The following HNRNPA0 variants were observed in gnomAD, a reference collection of about 807,000 sequenced individuals.
HNRNPA0 encodes the protein hnRNA binding protein.
For missense variants in HNRNPA0, 252 were observed against 433.7 expected (o/e 0.58, Z 3.72); for synonymous variants, 243 against 195.5 (o/e 1.24, Z -2.03).
chr5:137,753,686 G>A lies in HNRNPA0; in HGVS notation c.381C>T (p.Ala127=). The change falls in exon 1 of 1, where the codon GCC becomes GCT. Residue 127 remains alanine (A), a synonymous_variant. Transcript: ENST00000314940. The surrounding 1 kb of genome is among the most constrained non-coding windows in gnomAD (Gnocchi z 6.1). ...CGGACTGCTTGTCGGCAATAATCTC[G>A]GCCTTTTCCACGGTGCCAAACTGCG... ...HFSQFGTVEK[A]EIIADKQSGK... The A allele has an allele frequency of 6.2e-7, 1 of 1,613,912 alleles. No homozygotes were observed. Among genetic ancestry groups the A allele is most frequent in the Non-Finnish European group, 8.5e-7 (1 of 1,180,032 alleles).
Position 137,748,839 on chromosome 5 carries a change from A to G in HNRNPA0, c.*4310T>C, listed in dbSNP as rs754912308. On this transcript the variant is annotated 3_prime_UTR_variant, in exon 1 of 1. Transcript: ENST00000314940. ...ACCTTTGATTTCTAAAAAGTAATCAATTAAGGAGAAAAGAGTCTTAATTTT... is the reference window on the plus strand; with the variant it reads ...ACCTTTGATTTCTAAAAAGTAATCAGTTAAGGAGAAAAGAGTCTTAATTTT... 20 of 152,214 alleles carry G rather than the reference A, an allele frequency of 1.3e-4. No homozygotes were observed. The highest frequency in any genetic ancestry group is 1.0e-4 in the Non-Finnish European group (7 of 68,010). 9.4% of individuals were successfully genotyped at this position (152,214 alleles called of 1,614,324 possible). A position where few individuals can be genotyped will look rare whatever the true frequency, so the allele number is the denominator to read the frequency against.
rs1695832555 is a variant in HNRNPA0 at position 137,747,774 on chromosome 5, CTT to C, written c.*5373_*5374del. 6.6e-6 allele frequency: 1 copy of C among 152,182 alleles called. No individual in the cohort carries two copies. Among genetic ancestry groups the C allele is most frequent in the South Asian group, 2.1e-4 (1 of 4,832 alleles). The allele number at this position is 152,182 out of a possible 1,614,324, so 9.4% of individuals were successfully genotyped here. On this transcript the variant is annotated 3_prime_UTR_variant, in exon 1 of 1. Transcript: ENST00000314940. ...ATTGTTGCTCAAAAACCTTTAATGACTTTTACTGCCTACCCTAAGTCCAAACT... is the reference window on the plus strand; with the variant it reads ...ATTGTTGCTCAAAAACCTTTAATGACTTACTGCCTACCCTAAGTCCAAACT...
rs989386926 is a variant in HNRNPA0 at position 137,753,073 on chromosome 5, G to A, written c.*76C>T. The A allele has an allele frequency of 6.2e-6, 9 of 1,461,376 alleles. No homozygotes were observed. The highest frequency in any genetic ancestry group is 1.4e-5 in the African/African-American group (1 of 71,104). 90.5% of individuals were successfully genotyped at this position (1,461,376 alleles called of 1,614,324 possible). ...AAGGCGGTGTGTGTGAGGGGGTGGGGCTTAGGAGTTGACCCCACTTGGGCT... is the reference window on the plus strand; with the variant it reads ...AAGGCGGTGTGTGTGAGGGGGTGGGACTTAGGAGTTGACCCCACTTGGGCT... On this transcript the variant is annotated 3_prime_UTR_variant, in exon 1 of 1. Transcript: ENST00000314940. This position sits in a 1 kb window ranked among gnomAD's most constrained non-coding sequence, Gnocchi z 6.1.
rs1487468557 is a variant in HNRNPA0, at chr5:137,747,470, A to G, written c.*5679T>C. 1 of 152,174 alleles carries G rather than the reference A, an allele frequency of 6.6e-6. No individual in the cohort carries two copies. Among genetic ancestry groups the G allele is most frequent in the Non-Finnish European group, 1.5e-5 (1 of 68,026 alleles). The allele number at this position is 152,174 out of a possible 1,614,324, so 9.4% of individuals were successfully genotyped here. A position where few individuals can be genotyped will look rare whatever the true frequency, so the allele number is the denominator to read the frequency against. The stretch of plus-strand genomic sequence containing the variant: ...TCTTCCCTCTAAATCTTCTCTTCCT[A>G]TTACCAGTGGCATCACCATCCTCTC... On this transcript the variant is annotated 3_prime_UTR_variant, in exon 1 of 1. Coordinates refer to ENST00000314940, the MANE Select transcript of HNRNPA0 (RefSeq NM_006805.4).
In HNRNPA0 at chr5:137,752,718, A is replaced by G. The variant is rs534983686; in HGVS notation, c.*431T>C. 1.8e-5 allele frequency: 3 copies of G among 167,842 alleles called. No homozygotes were observed. The highest frequency in any genetic ancestry group is 1.3e-4 in the Admixed American group (2 of 15,852). The allele number at this position is 167,842 out of a possible 1,614,324, so 10.4% of individuals were successfully genotyped here. Reference sequence around the variant, plus strand: ...TGGGATCCAAGTAGATTTCATAGAAAACGCTGTAGCCAGGTTATCAAGTCC... The same window carrying G: ...TGGGATCCAAGTAGATTTCATAGAAGACGCTGTAGCCAGGTTATCAAGTCC... On this transcript the variant is annotated 3_prime_UTR_variant, in exon 1 of 1. Transcript: ENST00000314940.
Position 137,746,063 on chromosome 5 carries a change from C to T in HNRNPA0, c.*7086G>A, listed in dbSNP as rs1385984041. The T allele has an allele frequency of 6.6e-6, 1 of 152,130 alleles. No homozygotes were observed. Among genetic ancestry groups the T allele is most frequent in the East Asian group, 1.9e-4 (1 of 5,202 alleles). The allele number at this position is 152,130 out of a possible 1,614,324, so 9.4% of individuals were successfully genotyped here. On this transcript the variant is annotated 3_prime_UTR_variant, in exon 1 of 1. Coordinates refer to ENST00000314940, the MANE Select transcript of HNRNPA0 (RefSeq NM_006805.4). ...GTAGGCCACTCTAAAAGATACCAGC[C>T]TCAGGCCAGATATAACTTTTTCTGC...
In HNRNPA0 at chr5:137,754,216, G is replaced by T; in HGVS notation, c.-150C>A. Reference sequence around the variant, plus strand: ...ACCGACGGGGAAGGGAAAAAGGGAAGGGGAGGGAAGGAAGGAAGAGAGGAA... The same window carrying T: ...ACCGACGGGGAAGGGAAAAAGGGAATGGGAGGGAAGGAAGGAAGAGAGGAA... On this transcript the variant is annotated 5_prime_UTR_variant, in exon 1 of 1. Transcript: ENST00000314940. 2 of 1,056,380 alleles carry T rather than the reference G, an allele frequency of 1.9e-6. No individual in the cohort carries two copies. The highest frequency in any genetic ancestry group is 1.3e-6 in the Non-Finnish European group (1 of 741,742). 65.4% of individuals were successfully genotyped at this position (1,056,380 alleles called of 1,614,324 possible).
At position 137,753,779 on chromosome 5, in the gene HNRNPA0, C is replaced by T. The variant is rs1454124687; in HGVS notation, c.288G>A (p.Lys96=). ...EDSARPGAHA[K]VKKLFVGGLK... ...GGCCTCCGACAAAGAGCTTCTTAACCTTGGCGTGGGCACCGGGCCGCGCCG... is the reference window on the plus strand; with the variant it reads ...GGCCTCCGACAAAGAGCTTCTTAACTTTGGCGTGGGCACCGGGCCGCGCCG... The change falls in exon 1 of 1, where the codon AAG becomes AAA. Residue 96 remains lysine (K), a synonymous_variant. Transcript: ENST00000314940. This position sits in a 1 kb window ranked among gnomAD's most constrained non-coding sequence, Gnocchi z 6.1. 3 of 1,611,068 alleles carry T rather than the reference C, an allele frequency of 1.9e-6. No individual in the cohort carries two copies. In the East Asian group the frequency reaches 6.7e-5, roughly 36 times the overall value.
chr5:137,754,091 G>A lies in HNRNPA0; in HGVS notation c.-25C>T, dbSNP rs1333522912. On this transcript the variant is annotated 5_prime_UTR_variant, in exon 1 of 1. Transcript: ENST00000314940. Reference sequence around the variant, plus strand: ...TCTCCAAGGCCCGGGCCTTGCCCCCGCCCTGCGAGCTCCGAGGTTTCGCCG... The same window carrying A: ...TCTCCAAGGCCCGGGCCTTGCCCCCACCCTGCGAGCTCCGAGGTTTCGCCG... The A allele has an allele frequency of 3.1e-5, 49 of 1,584,038 alleles. No individual in the cohort carries two copies. The highest frequency in any genetic ancestry group is 4.0e-5 in the Non-Finnish European group (47 of 1,163,872).
In HNRNPA0 at chr5:137,753,000, C is replaced by G. The variant is rs1753532324; in HGVS notation, c.*149G>C. The G allele has an allele frequency of 2.6e-6, 2 of 775,686 alleles. No individual in the cohort carries two copies. The highest frequency in any genetic ancestry group is 3.8e-4 in the Middle Eastern group (1 of 2,620). The allele number at this position is 775,686 out of a possible 1,614,324, so 48.1% of individuals were successfully genotyped here. ...GTGGCAGGCAAATAGAGGAACACCC[C>G]CAAGGGTAAGCAGCCTTAGAAGTGG... On this transcript the variant is annotated 3_prime_UTR_variant, in exon 1 of 1. Transcript: ENST00000314940.
At position 137,746,409 on chromosome 5, in the gene HNRNPA0, A is replaced by G. The variant is rs1447512870; in HGVS notation, c.*6740T>C. On this transcript the variant is annotated 3_prime_UTR_variant, in exon 1 of 1. Transcript: ENST00000314940. ...ATGATCTGGCCCCTCTGGCCTCATTATTCCTTTCCTCCTCTTCCTTCAGGT... is the reference window on the plus strand; with the variant it reads ...ATGATCTGGCCCCTCTGGCCTCATTGTTCCTTTCCTCCTCTTCCTTCAGGT... 6.6e-6 allele frequency: 1 copy of G among 152,104 alleles called. No individual in the cohort carries two copies. Among genetic ancestry groups the G allele is most frequent in the Admixed American group, 6.5e-5 (1 of 15,268 alleles). The allele number at this position is 152,104 out of a possible 1,614,324, so 9.4% of individuals were successfully genotyped here. A position where few individuals can be genotyped will look rare whatever the true frequency, so the allele number is the denominator to read the frequency against.
At position 137,754,174 on chromosome 5, in the gene HNRNPA0, A is replaced by G; in HGVS notation, c.-108T>C. 7.3e-7 allele frequency: 1 copy of G among 1,376,508 alleles called. No homozygotes were observed. The highest frequency in any genetic ancestry group is 9.6e-7 in the Non-Finnish European group (1 of 1,038,202). 85.3% of individuals were successfully genotyped at this position (1,376,508 alleles called of 1,614,324 possible). The stretch of plus-strand genomic sequence containing the variant: ...ACAGCTTGGGCCCAGCCGTTGCTGG[A>G]GCCACCCCCGCCGCTCACCGACGGG... On this transcript the variant is annotated 5_prime_UTR_variant, in exon 1 of 1. Coordinates refer to ENST00000314940, the MANE Select transcript of HNRNPA0 (RefSeq NM_006805.4).
chr5:137,753,043 C>T lies in HNRNPA0; in HGVS notation c.*106G>A. The T allele has an allele frequency of 2.3e-6, 3 of 1,287,460 alleles. No homozygotes were observed. The highest frequency in any genetic ancestry group is 3.2e-6 in the Non-Finnish European group (3 of 936,198). 79.8% of individuals were successfully genotyped at this position (1,287,460 alleles called of 1,614,324 possible). ...AGAAGTGGCTCCCCCAAGGGCAAAA[C>T]AGGGAAGGCGGTGTGTGTGAGGGGG... On this transcript the variant is annotated 3_prime_UTR_variant, in exon 1 of 1. Transcript: ENST00000314940. The surrounding 1 kb of genome is among the most constrained non-coding windows in gnomAD (Gnocchi z 6.1).
At position 137,745,978 on chromosome 5, in the gene HNRNPA0, A is replaced by T. The variant is rs1423289393; in HGVS notation, c.*7171T>A. 6.6e-6 allele frequency: 1 copy of T among 152,204 alleles called. No individual in the cohort carries two copies. The highest frequency in any genetic ancestry group is 2.4e-5 in the African/African-American group (1 of 41,458). 9.4% of individuals were successfully genotyped at this position (152,204 alleles called of 1,614,324 possible). On this transcript the variant is annotated 3_prime_UTR_variant, in exon 1 of 1. Transcript: ENST00000314940. ...AGTCTAGGTACAGTGAACCACCTTT[A>T]TTAGTGAACAGTGAGAATACCCCTA...
chr5:137,754,221 G>C lies in HNRNPA0; in HGVS notation c.-155C>G, dbSNP rs962390859. 7.8e-6 allele frequency: 8 copies of C among 1,025,502 alleles called. No individual in the cohort carries two copies. The highest frequency in any genetic ancestry group is 5.8e-5 in the Admixed American group (2 of 34,304). The allele number at this position is 1,025,502 out of a possible 1,614,324, so 63.5% of individuals were successfully genotyped here. A position where few individuals can be genotyped will look rare whatever the true frequency, so the allele number is the denominator to read the frequency against. ...CGGGGAAGGGAAAAAGGGAAGGGGA[G>C]GGAAGGAAGGAAGAGAGGAAGGGGG... On this transcript the variant is annotated 5_prime_UTR_variant, in exon 1 of 1. Coordinates refer to ENST00000314940, the MANE Select transcript of HNRNPA0 (RefSeq NM_006805.4).
At position 137,753,761 on chromosome 5, in the gene HNRNPA0, G is replaced by A. The variant is rs778413642; in HGVS notation, c.306C>T (p.Val102=). The change falls in exon 1 of 1, where the codon GTC becomes GTT. Residue 102 remains valine (V), a synonymous_variant. Transcript: ENST00000314940. The surrounding 1 kb of genome is among the most constrained non-coding windows in gnomAD (Gnocchi z 6.1). ...GAHAKVKKLF[V]GGLKGDVAEG... is the part of the protein sequence containing the mutation. ...CAGCCACGTCTCCTTTAAGGCCTCC[G>A]ACAAAGAGCTTCTTAACCTTGGCGT... 1.2e-6 allele frequency: 2 copies of A among 1,611,566 alleles called. No individual in the cohort carries two copies. Among genetic ancestry groups the A allele is most frequent in the South Asian group, 1.1e-5 (1 of 91,094 alleles).
At position 137,753,750 on chromosome 5, in the gene HNRNPA0, T is replaced by A; in HGVS notation, c.317A>T (p.Lys106Ile). The A allele has an allele frequency of 6.2e-7, 1 of 1,612,254 alleles. No homozygotes were observed. Among genetic ancestry groups the A allele is most frequent in the South Asian group, 1.1e-5 (1 of 91,086 alleles). Residue 106 changes from lysine (K) to isoleucine (I), a missense_variant, in exon 1 of 1, where the codon AAA becomes ATA. Coordinates refer to ENST00000314940, the MANE Select transcript of HNRNPA0 (RefSeq NM_006805.4). The surrounding 1 kb of genome is among the most constrained non-coding windows in gnomAD (Gnocchi z 6.1). ...KVKKLFVGGL[K>I]GDVAEGDLIE... ...CAGGTCGCCCTCAGCCACGTCTCCTTTAAGGCCTCCGACAAAGAGCTTCTT... is the reference window on the plus strand; with the variant it reads ...CAGGTCGCCCTCAGCCACGTCTCCTATAAGGCCTCCGACAAAGAGCTTCTT...
rs1373558172 is a variant in HNRNPA0 at position 137,752,129 on chromosome 5, C to G, written c.*1020G>C. 6.9e-6 allele frequency: 1 copy of G among 145,242 alleles called. No homozygotes were observed. Among genetic ancestry groups the G allele is most frequent in the Non-Finnish European group, 1.5e-5 (1 of 66,292 alleles). The allele number at this position is 145,242 out of a possible 1,614,324, so 9.0% of individuals were successfully genotyped here. On this transcript the variant is annotated 3_prime_UTR_variant, in exon 1 of 1. Transcript: ENST00000314940. ...GGATATAGGAAAAAAAAAAAAAAAACGTTTAAACCTGCTCTGAAAGTACAA... is the reference window on the plus strand; with the variant it reads ...GGATATAGGAAAAAAAAAAAAAAAAGGTTTAAACCTGCTCTGAAAGTACAA...
rs1753416276 is a variant in HNRNPA0 at position 137,746,856 on chromosome 5, G to C, written c.*6293C>G. On this transcript the variant is annotated 3_prime_UTR_variant, in exon 1 of 1. Coordinates refer to ENST00000314940, the MANE Select transcript of HNRNPA0 (RefSeq NM_006805.4). ...AACTTGACATACTAAGAAACAGGGA[G>C]GCACTGAATTTAGGGATAGTAACCT... 1 of 152,112 alleles carries C rather than the reference G, an allele frequency of 6.6e-6. No individual in the cohort carries two copies. The highest frequency in any genetic ancestry group is 2.4e-5 in the African/African-American group (1 of 41,428). 9.4% of individuals were successfully genotyped at this position (152,112 alleles called of 1,614,324 possible).
Sources: gnomAD v4.1 joint callset for allele counts on GRCh38, gnomAD v4.1.1 for gene constraint, Gnocchi (gnomAD v3.1) non-coding constraint, MANE v1.5 for transcripts, NCBI Gene and HGNC (gene_info 2026-07-23, HGNC 2026-07-21) for gene names.